Variants in CDH4 observed in about 807,000 individuals in gnomAD.
CDH4 encodes the protein cadherin-4.
CDH4 carries 33 observed loss-of-function variants against 86.0 expected under a neutral mutation model. The observed-to-expected ratio is 0.38, with a 90% confidence interval of 0.29 to 0.51. The LOEUF (loss-of-function observed/expected upper bound fraction) is 0.51. Ranked by LOEUF, CDH4 falls within the 20% of genes least tolerant of loss-of-function variation. The probability of loss-of-function intolerance (pLI) is 0.86; values close to 1 mark genes in which losing one functional copy is unlikely to be tolerated. For synonymous variants in CDH4, 555 were observed against 549.4 expected (o/e 1.01, Z -0.14); for missense variants, 1,114 against 1,307.4 (o/e 0.85, Z 2.28).
At chr20:61,629,176 T>G (rs2086859720) in intron 2 of CDH4, among the ~76,000 whole-genome samples, 1 of 152,110 alleles carries the variant, frequency 6.6e-6, no homozygotes. Flanking sequence ...GGCACGTGCT[T>G]GTCTTGTGAA....
At chr20:61,316,176 A>G (rs1461508424) in intron 2 of CDH4, among the ~76,000 whole-genome samples, 1 of 152,230 alleles carries the variant, frequency 6.6e-6, no homozygotes, top group Non-Finnish European at 1.5e-5. Flanking sequence ...AGGGCAGTCT[A>G]TGAAACAAGA....
At position 61,565,150 on chromosome 20, in the gene CDH4, TAG is replaced by T. The variant is rs1568688171; in HGVS notation, c.170-178412_170-178411del. Among the ~76,000 whole-genome samples, 61 of 131,740 alleles carry T rather than the reference TAG, an allele frequency of 4.6e-4. 15 individuals carry two copies. The highest frequency in any genetic ancestry group is 1.5e-3 in the African/African-American group (53 of 35,378). The allele number at this position is 131,740 out of a possible 152,430, so 86.4% of individuals were successfully genotyped here. A position where few individuals can be genotyped will look rare whatever the true frequency, so the allele number is the denominator to read the frequency against. On this transcript the variant is annotated intron_variant, in intron 2 of 15. Coordinates refer to ENST00000614565, the MANE Select transcript of CDH4 (RefSeq NM_001794.5). ...GTGGTGCTGGTCCTCTTGGTGTTGG[TAG>T]TGGTCCTCTTGGTGATGGGGTGGTG...
intron 15 of CDH4, among the ~76,000 whole-genome samples, chr20:61,934,631 G>A (rs992347387): frequency 1.1e-4 from 16 of 152,174 alleles, no homozygotes; most frequent in African/African-American, 3.6e-4. Context: ...GCCCACTGCC[G>A]CTGTGAATGG....
At chr20:61,463,016 TG>T (rs2085452609) in intron 2 of CDH4, among the ~76,000 whole-genome samples, 1 of 152,164 alleles carries the variant, frequency 6.6e-6, no homozygotes, top group South Asian at 2.1e-4. Context: ...AATTGAATAA[TG>T]GGGGTGGTTT....
intron 2 of CDH4, among the ~76,000 whole-genome samples, chr20:61,696,482 C>T (rs910542710): frequency 2.6e-5 from 4 of 152,158 alleles, no homozygotes; most frequent in Non-Finnish European, 4.4e-5. Flanking sequence ...GTGTACTGAG[C>T]ACCAGCTGTG....
intron 8 of CDH4, among the ~76,000 whole-genome samples, chr20:61,901,116 A>G (rs116094296): frequency 0.01 from 1,531 of 152,232 alleles, 31 homozygotes; most frequent in African/African-American, 0.035. Context: ...AATCTGGTCT[A>G]TGGACCCAAA....
At chr20:61,475,167 C>G (rs753733430) in intron 2 of CDH4, among the ~76,000 whole-genome samples, 6 of 151,984 alleles carry the variant, frequency 3.9e-5, no homozygotes, top group Non-Finnish European at 7.4e-5. Flanking sequence ...CACTTTTTTC[C>G]CCATAATTAC....
chr20:61,878,316 A>AC (rs1450044433), intron 7 of CDH4, among the ~76,000 whole-genome samples: 1 of 152,188 alleles, frequency 6.6e-6, no homozygotes, highest in African/African-American at 2.4e-5. Context: ...CCCGGCTGGA[A>AC]GGTGGCTGTG....
chr20:61,445,655 A>C (rs1228977630), intron 2 of CDH4, among the ~76,000 whole-genome samples: 2 of 152,086 alleles, frequency 1.3e-5, no homozygotes, highest in Non-Finnish European at 2.9e-5. Context: ...TAGAGAAGCA[A>C]TTTTCTCACC....
intron 2 of CDH4, among the ~76,000 whole-genome samples, chr20:61,558,410 G>A (rs1164621838): frequency 6.6e-6 from 1 of 151,960 alleles, no homozygotes; most frequent in Non-Finnish European, 1.5e-5. Flanking sequence ...TCTTTTCAGC[G>A]GCAAAAGTGT....
chr20:61,382,822 C>G (rs2084911695), intron 2 of CDH4, among the ~76,000 whole-genome samples: 1 of 151,992 alleles, frequency 6.6e-6, no homozygotes, highest in African/African-American at 2.4e-5. Context: ...AGAGCCCACC[C>G]TAAGTCCAGA....
At chr20:61,653,830 G>T (rs373465910) in intron 2 of CDH4, among the ~76,000 whole-genome samples, 27 of 68,502 alleles carry the variant, frequency 3.9e-4, no homozygotes, top group South Asian at 1.1e-3. Context: ...ATGGGATGGC[G>T]GCCGGGCAGA....
At position 61,649,755 on chromosome 20, in the gene CDH4, C is replaced by T. The variant is rs563553444; in HGVS notation, c.170-93808C>T. On this transcript the variant is annotated intron_variant, in intron 2 of 15. Coordinates refer to ENST00000614565, the MANE Select transcript of CDH4 (RefSeq NM_001794.5). Reference sequence around the variant, plus strand: ...TGATTAGCTTGCAAGAAGAGCATGGCGGGCCGTGAGCAGGTCTGTGATCTC... The same window carrying T: ...TGATTAGCTTGCAAGAAGAGCATGGTGGGCCGTGAGCAGGTCTGTGATCTC... Among the ~76,000 whole-genome samples the T allele has an allele frequency of 1.2e-4, 19 of 152,280 alleles. No homozygotes were observed. In the South Asian group the frequency reaches 3.5e-3, roughly 28 times the overall value.
chr20:61,280,314 C>T (rs1431896870), intron 2 of CDH4, among the ~76,000 whole-genome samples: 1 of 152,206 alleles, frequency 6.6e-6, no homozygotes, highest in Non-Finnish European at 1.5e-5. Flanking sequence ...ATGTGAACTG[C>T]CTTTTGTTCA....
At position 61,758,751 on chromosome 20, in the gene CDH4, G is replaced by A. The variant is rs1343701408; in HGVS notation, c.397-14252G>A. 5.3e-5 allele frequency among the ~76,000 whole-genome samples: 8 copies of A among 152,346 alleles called. No individual in the cohort carries two copies. The South Asian group carries it at 8.3e-4, about 16-fold the overall frequency. On this transcript the variant is annotated intron_variant, in intron 3 of 15. Coordinates refer to ENST00000614565, the MANE Select transcript of CDH4 (RefSeq NM_001794.5). ...TCAGTCCAAGACTTGGCCTCCTGAC[G>A]GGGGACGAGCCCACCTGCCCGCCTC... is the stretch of plus-strand genomic sequence containing the variant.
chr20:61,365,514 A>C (rs1358502283), intron 2 of CDH4, among the ~76,000 whole-genome samples: 1 of 152,124 alleles, frequency 6.6e-6, no homozygotes, highest in African/African-American at 2.4e-5. Context: ...GAGGACCCAG[A>C]AAGGCTTCTG....
At chr20:61,658,971 C>A (rs1235750939) in intron 2 of CDH4, among the ~76,000 whole-genome samples, 1 of 152,164 alleles carries the variant, frequency 6.6e-6, no homozygotes, top group Non-Finnish European at 1.5e-5. Flanking sequence ...AGCGGCTCAC[C>A]CTCAAGGCGT....
chr20:61,431,464 A>G (rs554175895), intron 2 of CDH4, among the ~76,000 whole-genome samples: 5 of 148,276 alleles, frequency 3.4e-5, no homozygotes, highest in African/African-American at 1.0e-4. Flanking sequence ...GTTTCAAGTG[A>G]TCCTCCCACC....
At chr20:61,522,676 G>A (rs562827855) in intron 2 of CDH4, among the ~76,000 whole-genome samples, 55 of 152,354 alleles carry the variant, frequency 3.6e-4, no homozygotes, top group African/African-American at 1.3e-3. Flanking sequence ...GTCCGGGTGG[G>A]AGCCAGCGCT....
Sources: allele counts gnomAD v4.1 joint callset (sites outside exome capture counted in the v4.1 genomes callset), GRCh38; gene constraint gnomAD v4.1.1; transcripts MANE v1.5; gene names NCBI Gene and HGNC (gene_info 2026-07-23, HGNC 2026-07-21).